The following FSTL5 variants were observed in gnomAD, a reference collection of about 807,000 sequenced individuals.
FSTL5 encodes follistatin like 5, also known as follistatin-related protein 5.
A neutral mutation model predicts 89.1 loss-of-function variants in FSTL5; 62 were observed. The observed-to-expected ratio is 0.70, with a 90% CI of 0.57 to 0.86. FSTL5 has a LOEUF of 0.86. Among genes scored for constraint, FSTL5 ranks in the 40% least tolerant of loss-of-function variants. The pLI is 0.00. For missense variants in FSTL5, 1,057 were observed against 1,001.6 expected (o/e 1.06, Z -0.75); for synonymous variants, 383 against 346.2 (o/e 1.11, Z -1.18).
At chr4:161,904,536 A>G (rs2110805844) in intron 4 of FSTL5, among the ~76,000 whole-genome samples, 1 of 152,122 alleles carries the variant, frequency 6.6e-6, no homozygotes, top group African/African-American at 2.4e-5. Context: ...CCACACTGGA[A>G]GTGTACAATT....
chr4:161,892,238 T>G (rs563269697), intron 4 of FSTL5, among the ~76,000 whole-genome samples: 1 of 152,068 alleles, frequency 6.6e-6, no homozygotes, highest in South Asian at 2.1e-4. Context: ...CTACTAACTT[T>G]TCAACTTAGG....
intron 4 of FSTL5, among the ~76,000 whole-genome samples, chr4:161,812,797 T>C (rs868381688): frequency 1.4e-5 from 2 of 148,114 alleles, no homozygotes; most frequent in Non-Finnish European, 3.0e-5. Context: ...AGACCTTGAT[T>C]AGGTATTTAT....
chr4:161,783,072 AC>A (rs1305704008), intron 4 of FSTL5, among the ~76,000 whole-genome samples: 3 of 152,320 alleles, frequency 2.0e-5, no homozygotes, highest in Admixed American at 6.5e-5. Flanking sequence ...AGCAGAAAAC[AC>A]AACAAAATAA....
In FSTL5 at chr4:161,695,675, G is replaced by A. The variant is rs1040404681; in HGVS notation, c.728-39181C>T. On this transcript the variant is annotated intron_variant, in intron 6 of 15. Transcript: ENST00000306100. ...ATTCTTGCAGGAGTTAGGTGGTATTGCATGGTAGTTTTGATTTATTTTCAT... is the reference window on the plus strand; with the variant it reads ...ATTCTTGCAGGAGTTAGGTGGTATTACATGGTAGTTTTGATTTATTTTCAT... Among the ~76,000 whole-genome samples the A allele has an allele frequency of 5.3e-4, 80 of 151,932 alleles. 2 individuals are homozygous for A. The highest frequency in any genetic ancestry group is 8.8e-5 in the Non-Finnish European group (6 of 67,952).
intron 1 of FSTL5, among the ~76,000 whole-genome samples, chr4:162,124,896 GT>G (rs1466210784): frequency 6.6e-6 from 1 of 152,158 alleles, no homozygotes; most frequent in Non-Finnish European, 1.5e-5. Context: ...GTAGAGACGG[GT>G]TTTCACCGTG....
chr4:161,598,944 A>G (rs533474146), intron 7 of FSTL5, among the ~76,000 whole-genome samples: 127 of 152,266 alleles, frequency 8.3e-4, no homozygotes, highest in African/African-American at 2.9e-3. Flanking sequence ...ATGACATTTT[A>G]AATTGAGAGA....
chr4:162,100,689 T>A (rs143552689), intron 2 of FSTL5, among the ~76,000 whole-genome samples: 93 of 152,266 alleles, frequency 6.1e-4, no homozygotes, highest in Non-Finnish European at 8.1e-4. Context: ...GTATATTCAA[T>A]GTAGATTTAT....
At chr4:161,443,239 G>A (rs1732836945) in intron 15 of FSTL5, among the ~76,000 whole-genome samples, 2 of 151,866 alleles carry the variant, frequency 1.3e-5, no homozygotes, top group Admixed American at 6.6e-5. Flanking sequence ...AGAACTCAAG[G>A]GCAAATTTGT....
intron 12 of FSTL5, among the ~76,000 whole-genome samples, chr4:161,483,045 T>C (rs1351272395): frequency 6.6e-6 from 1 of 152,072 alleles, no homozygotes; most frequent in African/African-American, 2.4e-5. Flanking sequence ...ACTCGGGAGG[T>C]CAACCTGAGT....
chr4:161,661,947 T>C (rs1161288155), intron 6 of FSTL5, among the ~76,000 whole-genome samples: 3 of 152,222 alleles, frequency 2.0e-5, no homozygotes, highest in Admixed American at 2.0e-4. Context: ...CTGCCCAGTC[T>C]ATATTCTGAA....
At chr4:161,678,548 C>A (rs1453150980) in intron 6 of FSTL5, among the ~76,000 whole-genome samples, 1 of 151,814 alleles carries the variant, frequency 6.6e-6, no homozygotes, top group Non-Finnish European at 1.5e-5. Flanking sequence ...TCAGATGGAG[C>A]TCTATCATCA....
chr4:161,909,292 G>A (rs546061390), intron 4 of FSTL5, among the ~76,000 whole-genome samples: 1 of 152,184 alleles, frequency 6.6e-6, no homozygotes, highest in Non-Finnish European at 1.5e-5. Context: ...CTGCATCTAT[G>A]AGAGATGAAA....
At chr4:162,115,501 G>T (rs1384416390) in intron 1 of FSTL5, among the ~76,000 whole-genome samples, 3 of 152,136 alleles carry the variant, frequency 2.0e-5, no homozygotes, top group Non-Finnish European at 2.9e-5. Context: ...TTAATTGGCA[G>T]TTTGTTGACA....
At chr4:161,597,317 G>A (rs1734051097) in intron 7 of FSTL5, among the ~76,000 whole-genome samples, 2 of 151,900 alleles carry the variant, frequency 1.3e-5, no homozygotes, top group Non-Finnish European at 2.9e-5. Flanking sequence ...TTTTTCTCAG[G>A]TTTGTCAAAG....
chr4:161,466,349 C>T (rs1009136781), intron 13 of FSTL5, among the ~76,000 whole-genome samples: 5 of 152,086 alleles, frequency 3.3e-5, no homozygotes, highest in African/African-American at 1.2e-4. Flanking sequence ...GTTGTATCAA[C>T]TTCTAAATTT....
chr4:162,100,774 G>C (rs1730965638), intron 2 of FSTL5, among the ~76,000 whole-genome samples: 1 of 152,250 alleles, frequency 6.6e-6, no homozygotes, highest in Non-Finnish European at 1.5e-5. Flanking sequence ...AGGGGGTATA[G>C]AGTGACTCTT....
chr4:161,717,704 G>T (rs112269177), intron 6 of FSTL5, among the ~76,000 whole-genome samples: 1 of 151,662 alleles, frequency 6.6e-6, no homozygotes, highest in African/African-American at 2.4e-5. Flanking sequence ...TTCTTAACAT[G>T]AAGTTATAAA....
rs548925771 is a variant in FSTL5, at chr4:161,627,289, T to G, written c.894+29039A>C. On this transcript the variant is annotated intron_variant, in intron 7 of 15. Transcript: ENST00000306100. Reference sequence around the variant, plus strand: ...AGCAGCCATCAACACTGAGGCAAGATCCTCCACTAGCAAAAAGAGTATGAC... The same window carrying G: ...AGCAGCCATCAACACTGAGGCAAGAGCCTCCACTAGCAAAAAGAGTATGAC... Among the ~76,000 whole-genome samples, 4 of 152,276 alleles carry G rather than the reference T, an allele frequency of 2.6e-5. No homozygotes were observed. In the South Asian group the frequency reaches 8.3e-4, roughly 32 times the overall value.
chr4:161,712,393 G>T (rs185212709), intron 6 of FSTL5, among the ~76,000 whole-genome samples: 1 of 152,146 alleles, frequency 6.6e-6, no homozygotes, highest in African/African-American at 2.4e-5. Flanking sequence ...ATTCACCTAG[G>T]TCAAATTTGA....
Sources: gnomAD v4.1 joint callset for allele counts (sites outside exome capture counted in the v4.1 genomes callset) on GRCh38, gnomAD v4.1.1 for gene constraint, MANE v1.5 for transcripts, NCBI Gene and HGNC (gene_info 2026-07-23, HGNC 2026-07-21) for gene names.